Variants in CREB1 observed in about 807,000 individuals in gnomAD.
CREB1 encodes cyclic AMP-responsive element-binding protein 1.
A neutral mutation model predicts 42.0 loss-of-function variants in CREB1; 2 were observed. That is an observed-to-expected ratio of 0.05 (90% CI 0.02 to 0.15). The LOEUF (loss-of-function observed/expected upper bound fraction) is 0.15, where lower values mean the gene tolerates loss of function less well. Ranked by LOEUF, CREB1 falls within the 10% of genes least tolerant of loss-of-function variation. The pLI, the probability that CREB1 is intolerant of heterozygous loss-of-function variation, is 1.00. For synonymous variants in CREB1, 123 were observed against 139.9 expected, an observed-to-expected ratio of 0.88 and a Z score of 0.85; for missense variants, 199 against 388.9, an observed-to-expected ratio of 0.51 and a Z score of 4.11.
At chr2:207,581,691 TAG>T (rs2082977388) in intron 7 of CREB1, 1 of 547,806 alleles carries the variant, frequency 1.8e-6, no homozygotes, top group Non-Finnish European at 3.2e-6. Context: ...TCTCTAATCT[TAG>T]TATATTACAT....
intron 1 of CREB1, among the ~76,000 whole-genome samples, chr2:207,537,553 T>G (rs1014788746): frequency 1.3e-5 from 2 of 152,232 alleles, no homozygotes; most frequent in African/African-American, 4.8e-5. Context: ...TTGTTTTTTC[T>G]CTGCCAATTA....
chr2:207,571,620 A>G (rs993737820), intron 5 of CREB1: 2 of 312,610 alleles, frequency 6.4e-6, no homozygotes, highest in Admixed American at 3.8e-5. Flanking sequence ...TTTACCTACA[A>G]TTCTGTACGT....
intron 1 of CREB1, among the ~76,000 whole-genome samples, chr2:207,533,014 G>C (rs1232210956): frequency 6.6e-6 from 1 of 151,568 alleles, no homozygotes; most frequent in East Asian, 1.9e-4. Flanking sequence ...CATTCACCTG[G>C]AACATGTTAC....
At chr2:207,569,534 A>T (rs1329709519) in intron 4 of CREB1, among the ~76,000 whole-genome samples, 4 of 151,704 alleles carry the variant, frequency 2.6e-5, no homozygotes, top group Non-Finnish European at 4.4e-5. Context: ...TTGATTGTTG[A>T]CTTTTTACTT....
Position 207,600,739 on chromosome 2 carries a change from A to G in CREB1, c.*3681A>G, listed in dbSNP as rs1435552210. Reference sequence around the variant, plus strand: ...AAGCACAATACCAGTCAGGCAGCCTATCCCATCAGATGTCATCTGGCTGAA... The same window carrying G: ...AAGCACAATACCAGTCAGGCAGCCTGTCCCATCAGATGTCATCTGGCTGAA... On this transcript the variant is annotated 3_prime_UTR_variant, in exon 8 of 8. Transcript: ENST00000353267. The G allele has an allele frequency of 4.7e-6, 1 of 210,752 alleles. No individual in the cohort carries two copies. Among genetic ancestry groups the G allele is most frequent in the African/African-American group, 2.3e-5 (1 of 44,098 alleles). The allele number at this position is 210,752 out of a possible 1,614,324, so 13.1% of individuals were successfully genotyped here. A position where few individuals can be genotyped will look rare whatever the true frequency, so the allele number is the denominator to read the frequency against.
intron 5 of CREB1, among the ~76,000 whole-genome samples, chr2:207,574,426 A>G (rs888576689): frequency 6.6e-6 from 1 of 152,190 alleles, no homozygotes; most frequent in Non-Finnish European, 1.5e-5. Context: ...TAAATCATCT[A>G]ATTTTTAAAT....
chr2:207,536,281 G>A (rs184852065), intron 1 of CREB1, among the ~76,000 whole-genome samples: 251 of 152,192 alleles, frequency 1.6e-3, no homozygotes, highest in Middle Eastern at 6.8e-3. Flanking sequence ...GGCCAGTCGC[G>A]GTGGCTGACG....
At chr2:207,542,539 T>C (rs1390776779) in intron 1 of CREB1, among the ~76,000 whole-genome samples, 1 of 152,186 alleles carries the variant, frequency 6.6e-6, no homozygotes, top group Non-Finnish European at 1.5e-5. Flanking sequence ...GTTGTAATAG[T>C]TGTTTATTAT....
intron 2 of CREB1, among the ~76,000 whole-genome samples, 163 bp downstream of exon 2, chr2:207,555,912 T>A (rs1399872153): frequency 6.6e-6 from 1 of 152,188 alleles, no homozygotes; most frequent in Non-Finnish European, 1.5e-5. Flanking sequence ...TTAGAAATGA[T>A]AGTATTAATT....
chr2:207,600,844 A>G lies in CREB1; in HGVS notation c.*3786A>G, dbSNP rs989605478. 1 of 205,860 alleles carries G rather than the reference A, an allele frequency of 4.9e-6. No homozygotes were observed. Among genetic ancestry groups the G allele is most frequent in the Non-Finnish European group, 9.9e-6 (1 of 100,692 alleles). 12.8% of individuals were successfully genotyped at this position (205,860 alleles called of 1,614,324 possible). ...TCTACCTTTTGGGGTGACATGTGGA[A>G]TCATACAAAGGCTTAGGAAGAAATA... On this transcript the variant is annotated 3_prime_UTR_variant, in exon 8 of 8. Coordinates refer to ENST00000353267, the MANE Select transcript of CREB1 (RefSeq NM_004379.5).
chr2:207,536,808 G>A (rs2080891694), intron 1 of CREB1, among the ~76,000 whole-genome samples: 1 of 151,856 alleles, frequency 6.6e-6, no homozygotes, highest in Non-Finnish European at 1.5e-5. Flanking sequence ...TGGCCAAGAT[G>A]GTGAAACCCC....
chr2:207,582,041 A>G (rs370255210), intron 7 of CREB1: 4 of 699,934 alleles, frequency 5.7e-6, no homozygotes. Flanking sequence ...CACATACATA[A>G]TTGGCGATAT....
intron 7 of CREB1, among the ~76,000 whole-genome samples, chr2:207,588,136 C>CTTG (rs386392425): frequency 1.0e-4 from 1 of 9,858 alleles, no homozygotes; most frequent in African/African-American, 1.1e-4. Context: ...ATCACACAGA[C>CTTG]TTCGTTTTCC....
At chr2:207,549,070 A>C (rs2081402396) in intron 1 of CREB1, among the ~76,000 whole-genome samples, 1 of 152,202 alleles carries the variant, frequency 6.6e-6, no homozygotes. Context: ...TGATAAAGAT[A>C]CCAATTTATT....
rs140168780 is a variant in CREB1 at position 207,539,631 on chromosome 2, G to A, written c.-9+9497G>A. On this transcript the variant is annotated intron_variant, in intron 1 of 7. Coordinates refer to ENST00000353267, the MANE Select transcript of CREB1 (RefSeq NM_004379.5). ...TGGCTCCTACCCTCAAGAATCTTACGGTATAGTAGGGATGATGAAATAGTG... is the reference window on the plus strand; with the variant it reads ...TGGCTCCTACCCTCAAGAATCTTACAGTATAGTAGGGATGATGAAATAGTG... Among the ~76,000 whole-genome samples the A allele has an allele frequency of 2.8e-3, 420 of 152,188 alleles. 6 individuals carry two copies. The highest frequency in any genetic ancestry group is 0.025 in the Admixed American group (385 of 15,282).
chr2:207,531,490 A>G (rs2080627705), intron 1 of CREB1, among the ~76,000 whole-genome samples: 2 of 152,364 alleles, frequency 1.3e-5, no homozygotes, highest in African/African-American at 4.8e-5. Flanking sequence ...AAAAATTAAA[A>G]GACAGTTTTT....
intron 1 of CREB1, among the ~76,000 whole-genome samples, chr2:207,535,344 T>C (rs200212122): frequency 6.6e-6 from 1 of 152,172 alleles, no homozygotes; most frequent in East Asian, 1.9e-4. Flanking sequence ...ACTACTTCTT[T>C]CAATTATTAT....
Position 207,599,349 on chromosome 2 carries a change from C to T in CREB1, c.*2291C>T, listed in dbSNP as rs548140887. 5 of 206,134 alleles carry T rather than the reference C, an allele frequency of 2.4e-5. No homozygotes were observed. The highest frequency in any genetic ancestry group is 4.0e-5 in the Non-Finnish European group (4 of 101,024). 12.8% of individuals were successfully genotyped at this position (206,134 alleles called of 1,614,324 possible). A position where few individuals can be genotyped will look rare whatever the true frequency, so the allele number is the denominator to read the frequency against. Reference sequence around the variant, plus strand: ...TATTGAGTCAAAATGTCGAATCGAACATTTTGAATGAAGTAAGTGTTATAA... The same window carrying T: ...TATTGAGTCAAAATGTCGAATCGAATATTTTGAATGAAGTAAGTGTTATAA... On this transcript the variant is annotated 3_prime_UTR_variant, in exon 8 of 8. Coordinates refer to ENST00000353267, the MANE Select transcript of CREB1 (RefSeq NM_004379.5).
intron 5 of CREB1, among the ~76,000 whole-genome samples, chr2:207,574,236 T>A (rs1337388482): frequency 1.3e-5 from 2 of 152,224 alleles, no homozygotes; most frequent in Non-Finnish European, 2.9e-5. Flanking sequence ...GTAACATGCT[T>A]AATCAGACAT....
Sources: gnomAD v4.1 joint callset for allele counts (sites outside exome capture counted in the v4.1 genomes callset) on GRCh38, gnomAD v4.1.1 for gene constraint, MANE v1.5 for transcripts, NCBI Gene and HGNC (gene_info 2026-07-23, HGNC 2026-07-21) for gene names.